Variants in CASP9 observed in about 807,000 individuals in gnomAD.
CASP9 encodes caspase-9.
Under a neutral mutation model 43.5 loss-of-function variants are expected in CASP9, and 29 were observed. That is an observed-to-expected ratio of 0.67 (90% CI 0.50 to 0.91). The LOEUF is 0.91. Ranked by LOEUF, CASP9 falls within the 40% of genes least tolerant of loss-of-function variation. The pLI is 0.00. For missense variants in CASP9, 575 were observed against 537.4 expected (o/e 1.07, Z -0.69); for synonymous variants, 206 against 211.9 (o/e 0.97, Z 0.24).
chr1:15,502,349 G>A (rs1014907064), intron 6 of CASP9, among the ~76,000 whole-genome samples: 9 of 152,176 alleles, frequency 5.9e-5, no homozygotes, highest in African/African-American at 2.2e-4. Context: ...TGCCAGGCAC[G>A]GTGGCTCATG....
intron 6 of CASP9, among the ~76,000 whole-genome samples, chr1:15,504,050 G>A (rs1014774566): frequency 8.5e-5 from 13 of 152,226 alleles, no homozygotes; most frequent in Admixed American, 2.0e-4. Context: ...GTCTCGCTGT[G>A]TTGCCCAGGC....
intron 2 of CASP9, 78 bp from the exon 3 acceptor site, chr1:15,507,985 C>A (rs1709589569): frequency 1.4e-6 from 2 of 1,460,586 alleles, no homozygotes; most frequent in Non-Finnish European, 1.9e-6. Context: ...TGAGGACAGC[C>A]CCCCAAGAAC....
At chr1:15,517,844 C>T (rs767738081) in intron 2 of CASP9, among the ~76,000 whole-genome samples, 2 of 151,698 alleles carry the variant, frequency 1.3e-5, no homozygotes, top group Non-Finnish European at 2.9e-5. Context: ...AACCTGGGGC[C>T]TGCTATCTCA....
chr1:15,520,840 C>T (rs1036758466), intron 1 of CASP9, among the ~76,000 whole-genome samples: 6 of 151,988 alleles, frequency 3.9e-5, no homozygotes, highest in Non-Finnish European at 8.8e-5. Flanking sequence ...GTAATTCCAG[C>T]TACTCAGGAG....
At chr1:15,497,849 T>C (rs1013858540) in intron 6 of CASP9, among the ~76,000 whole-genome samples, 6 of 152,050 alleles carry the variant, frequency 3.9e-5, no homozygotes, top group African/African-American at 1.4e-4. Context: ...CAAAACAATC[T>C]GGAAAAAGAG....
At chr1:15,508,488 C>G (rs1197837281) in intron 2 of CASP9, among the ~76,000 whole-genome samples, 1 of 152,156 alleles carries the variant, frequency 6.6e-6, no homozygotes, top group Non-Finnish European at 1.5e-5. Context: ...TCTTGGCTCA[C>G]TGCAAACTCT....
Position 15,493,848 on chromosome 1 carries a change from C to T in CASP9, c.1158+44G>A, listed in dbSNP as rs779370699. 2.3e-5 allele frequency: 35 copies of T among 1,554,986 alleles called. 1 individual carries two copies. The highest frequency in any genetic ancestry group is 3.0e-5 in the Non-Finnish European group (35 of 1,149,996). ...CCAGCCCCAGGAGGACACGCTGCCC[C>T]TCAGCAGCCTCCCCTCTCCTTTGCA... On this transcript the variant is annotated intron_variant, in intron 8 of 8. Coordinates refer to ENST00000333868, the MANE Select transcript of CASP9 (RefSeq NM_001229.5).
intron 1 of CASP9, among the ~76,000 whole-genome samples, chr1:15,521,954 A>C (rs1710220366): frequency 6.6e-6 from 1 of 152,210 alleles, no homozygotes; most frequent in African/African-American, 2.4e-5. Context: ...TGGGAACAGC[A>C]CAGACCTACA....
chr1:15,497,859 G>A (rs1231385789), intron 6 of CASP9, among the ~76,000 whole-genome samples: 1 of 152,102 alleles, frequency 6.6e-6, no homozygotes, highest in Non-Finnish European at 1.5e-5. Flanking sequence ...TGGAAAAAGA[G>A]CAAAATTGGA....
Position 15,497,640 on chromosome 1 carries a change from T to C in CASP9, c.869-2188A>G, listed in dbSNP as rs1167972520. On this transcript the variant is annotated intron_variant, in intron 6 of 8. Transcript: ENST00000333868. ...TCTGACAACAGAGCGAGACTCTGTCTCAAGAAAAAAAAAAAAAAGATATAA... is the reference window on the plus strand; with the variant it reads ...TCTGACAACAGAGCGAGACTCTGTCCCAAGAAAAAAAAAAAAAAGATATAA... Among the ~76,000 whole-genome samples the C allele has an allele frequency of 3.9e-5, 4 of 101,316 alleles. No homozygotes were observed. In the East Asian group the frequency reaches 1.2e-3, roughly 32 times the overall value. The allele number at this position is 101,316 out of a possible 152,430, so 66.5% of individuals were successfully genotyped here.
chr1:15,510,819 A>G (rs1372968627), intron 2 of CASP9, among the ~76,000 whole-genome samples: 2 of 152,058 alleles, frequency 1.3e-5, no homozygotes, highest in East Asian at 3.9e-4. Flanking sequence ...ATAAACACAC[A>G]TGGCTAAGTG....
intron 1 of CASP9, among the ~76,000 whole-genome samples, chr1:15,521,281 A>G (rs1382835046): frequency 6.6e-6 from 1 of 151,930 alleles, no homozygotes; most frequent in Non-Finnish European, 1.5e-5. Context: ...AAAAAAAAAA[A>G]AAAAGAAAGG....
At chr1:15,499,612 T>C (rs1265438204) in intron 6 of CASP9, among the ~76,000 whole-genome samples, 1 of 152,194 alleles carries the variant, frequency 6.6e-6, no homozygotes, top group Non-Finnish European at 1.5e-5. Context: ...ACACCTGTGG[T>C]TGTGTGAGCC....
intron 8 of CASP9, 194 bp downstream of exon 8, chr1:15,493,698 G>A: frequency 2.0e-6 from 3 of 1,468,550 alleles, no homozygotes; most frequent in South Asian, 2.7e-5. Context: ...TGAATAAAGG[G>A]CAAACGTCAC....
chr1:15,524,573 C>G (rs1208096002), upstream of CASP9: 4 of 961,910 alleles, frequency 4.2e-6, no homozygotes, highest in Non-Finnish European at 5.1e-6. Context: ...CCCCGTATCC[C>G]CGCACTGACC....
intron 5 of CASP9, 36 bp downstream of exon 5, chr1:15,505,954 C>A: frequency 1.3e-6 from 2 of 1,511,722 alleles, no homozygotes; most frequent in Non-Finnish European, 1.8e-6. Flanking sequence ...GGCCAGTACC[C>A]AATGCCTGCC....
chr1:15,522,724 A>G (rs4645993), intron 1 of CASP9, among the ~76,000 whole-genome samples: 22 of 152,148 alleles, frequency 1.4e-4, no homozygotes, highest in African/African-American at 4.8e-4. Flanking sequence ...AAATAAGTGT[A>G]AGATGTGGCA....
chr1:15,516,775 A>C (rs1709967324), intron 2 of CASP9, among the ~76,000 whole-genome samples: 1 of 152,244 alleles, frequency 6.6e-6, no homozygotes, highest in African/African-American at 2.4e-5. Flanking sequence ...CTGCAGAAAC[A>C]ACACAATGTC....
At chr1:15,521,049 C>CCACCAGCTTCTTGT (rs1710172724) in intron 1 of CASP9, among the ~76,000 whole-genome samples, 1 of 149,816 alleles carries the variant, frequency 6.7e-6, no homozygotes, top group Non-Finnish European at 1.5e-5. Flanking sequence ...CCCAGCTACT[C>CCACCAGCTTCTTGT]GGGAGGCTGA....
Sources: gnomAD v4.1 joint callset for allele counts (sites outside exome capture counted in the v4.1 genomes callset) on GRCh38, gnomAD v4.1.1 for gene constraint, MANE v1.5 for transcripts, NCBI Gene and HGNC (gene_info 2026-07-23, HGNC 2026-07-21) for gene names.